PUDP: variants seen among roughly 807,000 people sequenced by gnomAD.
PUDP encodes pseudouridine 5'-phosphatase.
In PUDP, 8 loss-of-function variants were observed where a neutral mutation model predicts 9.4. That is an observed-to-expected ratio of 0.85 (90% CI 0.50 to 1.53). PUDP has a LOEUF of 1.53. PUDP is among the 40% of genes most tolerant of loss of function. The probability of loss-of-function intolerance (pLI) is 0.00; values close to 1 mark genes in which losing one functional copy is unlikely to be tolerated. For missense variants in PUDP, 188 were observed against 189.7 expected, an observed-to-expected ratio of 0.99 and a Z score of 0.05; for synonymous variants, 99 against 80.7, an observed-to-expected ratio of 1.23 and a Z score of -1.22.
At chrX:6,828,362 A>ATG (rs1452654075) in intron 3 of PUDP, among the ~76,000 whole-genome samples, 2 of 96,753 alleles carry the variant, frequency 2.1e-5, no homozygotes, top group African/African-American at 8.2e-5. Flanking sequence ...CTGTTGCTAT[A>ATG]TATGTGTGTG....
intron 3 of PUDP, among the ~76,000 whole-genome samples, chrX:6,845,224 T>C (rs73455742): frequency 0.012 from 1,323 of 111,736 alleles, 15 homozygotes; most frequent in African/African-American, 0.039. Context: ...TAAAGGTATA[T>C]GGAATATAAG....
chrX:6,989,480 G>T, intron 1 of PUDP: 1 of 161,341 alleles, frequency 6.2e-6, no homozygotes, highest in South Asian at 1.3e-4. Context: ...CTGGAAGATG[G>T]ACGTACTTTG....
intron 3 of PUDP, among the ~76,000 whole-genome samples, chrX:6,889,465 G>A (rs190100196): frequency 2.2e-4 from 25 of 111,773 alleles, no homozygotes; most frequent in Admixed American, 1.9e-3. Flanking sequence ...ACTGAGCCCA[G>A]CAGACATTTT....
intron 1 of PUDP, among the ~76,000 whole-genome samples, chrX:7,120,925 A>C (rs1386097740): frequency 6.2e-5 from 7 of 112,043 alleles, no homozygotes; most frequent in African/African-American, 2.3e-4. Context: ...ATACAATTCT[A>C]GGAAATCTTT....
At chrX:6,743,269 G>C (rs1410341988) in intron 3 of PUDP, among the ~76,000 whole-genome samples, 1 of 112,287 alleles carries the variant, frequency 8.9e-6, no homozygotes, top group Non-Finnish European at 1.9e-5. Context: ...CCACCAGCCA[G>C]TCAACAAGTT....
At chrX:6,977,678 T>C (rs1474304011) in intron 2 of PUDP, among the ~76,000 whole-genome samples, 1 of 111,984 alleles carries the variant, frequency 8.9e-6, no homozygotes, top group African/African-American at 3.3e-5. Context: ...GTGTTGTTGC[T>C]ACTCAGATAC....
chrX:7,089,795 G>A (rs1297163269), intron 2 of PUDP, among the ~76,000 whole-genome samples: 3 of 111,482 alleles, frequency 2.7e-5, no homozygotes, highest in African/African-American at 9.8e-5. Context: ...TATACCATGG[G>A]GTCTGTAAAG....
intron 3 of PUDP, among the ~76,000 whole-genome samples, chrX:7,056,599 T>C (rs1930249960): frequency 8.9e-6 from 1 of 111,775 alleles, no homozygotes; most frequent in Non-Finnish European, 1.9e-5. Flanking sequence ...TGACGCAGCT[T>C]GTACAGCCTA....
chrX:6,861,751 G>A (rs1274943819), intron 3 of PUDP, among the ~76,000 whole-genome samples: 3 of 110,895 alleles, frequency 2.7e-5, no homozygotes, highest in Non-Finnish European at 5.7e-5. Flanking sequence ...GGGAGTGAGA[G>A]AGAAGAAGTA....
At position 6,802,572 on chromosome X, in the gene PUDP, G is replaced by T. The variant is rs774390208; in HGVS notation, c.*248-96106C>A. Among the ~76,000 whole-genome samples, 3 of 111,003 alleles carry T rather than the reference G, an allele frequency of 2.7e-5. No homozygotes were observed. In the South Asian group the frequency reaches 1.1e-3, roughly 42 times the overall value. ...GAATAGATGAGGGGGTAAAGTCTGT[G>T]GGAAAATGGTAACATAACTAGAGCT... On this transcript the variant is annotated intron_variant and NMD_transcript_variant, in intron 3 of 3. Transcript: ENST00000655425.
rs1371707960 is a variant in PUDP, at chrX:7,008,995, AG to A, written c.205-30653del. On this transcript the variant is annotated intron_variant and NMD_transcript_variant, in intron 1 of 3. Coordinates refer to the PUDP transcript ENST00000655425. ...TTGAGATAGAAGTAGACACTGAAAT[AG>A]GAGTACTTAAAGTAATAAAACAAAG... Among the ~76,000 whole-genome samples, 172 of 112,533 alleles carry A rather than the reference AG, an allele frequency of 1.5e-3. 1 individual carries two copies. The highest frequency in any genetic ancestry group is 5.2e-3 in the African/African-American group (162 of 30,977).
intron 3 of PUDP, among the ~76,000 whole-genome samples, chrX:6,759,269 A>G (rs963078670): frequency 8.9e-6 from 1 of 112,038 alleles, no homozygotes; most frequent in African/African-American, 3.2e-5. Context: ...GTGGGAGTTG[A>G]CACAAGTGCG....
intron 1 of PUDP, among the ~76,000 whole-genome samples, chrX:7,122,144 C>T (rs935163125): frequency 3.6e-5 from 4 of 110,526 alleles, no homozygotes; most frequent in African/African-American, 1.3e-4. Flanking sequence ...GCTATGGTTG[C>T]ACCACTGCAC....
intron 3 of PUDP, among the ~76,000 whole-genome samples, chrX:6,728,518 A>C (rs1389644175): frequency 8.9e-6 from 1 of 111,999 alleles, no homozygotes; most frequent in African/African-American, 3.3e-5. Flanking sequence ...AACTGTTCTA[A>C]GCCCTTTATG....
intron 3 of PUDP, among the ~76,000 whole-genome samples, chrX:6,849,793 T>C (rs1390700044): frequency 9.0e-6 from 1 of 111,616 alleles, no homozygotes; most frequent in Non-Finnish European, 1.9e-5. Flanking sequence ...ATGAGATTTC[T>C]GTAAGTTCAC....
intron 3 of PUDP, among the ~76,000 whole-genome samples, chrX:6,741,241 T>C (rs933071161): frequency 9.0e-6 from 1 of 110,900 alleles, no homozygotes; most frequent in African/African-American, 3.3e-5. Context: ...TCTAAGCCAG[T>C]GGAAAATTGA....
intron 3 of PUDP, among the ~76,000 whole-genome samples, chrX:6,913,625 T>C (rs773426835): frequency 2.7e-5 from 3 of 112,015 alleles, no homozygotes; most frequent in Non-Finnish European, 5.6e-5. Flanking sequence ...AAAAACTTTT[T>C]TGGAAATATT....
At chrX:6,759,963 G>T (rs1381213366) in intron 3 of PUDP, among the ~76,000 whole-genome samples, 1 of 112,043 alleles carries the variant, frequency 8.9e-6, no homozygotes, top group Non-Finnish European at 1.9e-5. Context: ...GTGGCCAAAA[G>T]CACATTGCCA....
At chrX:7,032,700 G>C (rs1929807147) in intron 1 of PUDP, among the ~76,000 whole-genome samples, 1 of 111,888 alleles carries the variant, frequency 8.9e-6, no homozygotes, top group Admixed American at 9.5e-5. Flanking sequence ...AACAGCAGTT[G>C]CCTGAAGTTT....
Sources: allele counts gnomAD v4.1 joint callset (sites outside exome capture counted in the v4.1 genomes callset), GRCh38; gene constraint gnomAD v4.1.1; transcripts MANE v1.5; gene names NCBI Gene and HGNC (gene_info 2026-07-23, HGNC 2026-07-21).